NLGN1: variants seen among roughly 807,000 people sequenced by gnomAD.
The protein encoded by NLGN1 is neuroligin-1.
In NLGN1, 12 loss-of-function variants were observed where a neutral mutation model predicts 65.5. The ratio of observed to expected loss-of-function variants is 0.18; its 90% CI spans 0.12 to 0.30. The LOEUF (loss-of-function observed/expected upper bound fraction) is 0.30, where lower values mean the gene tolerates loss of function less well. Ranked by LOEUF, NLGN1 falls within the 10% of genes least tolerant of loss-of-function variation. The pLI is 1.00. For missense variants in NLGN1, 750 were observed against 1,007.1 expected (o/e 0.74, Z 3.46); for synonymous variants, 350 against 359.5 (o/e 0.97, Z 0.30).
chr3:173,766,088 CTT>C (rs34830188), intron 3 of NLGN1, among the ~76,000 whole-genome samples: 8 of 135,842 alleles, frequency 5.9e-5, no homozygotes, highest in Non-Finnish European at 9.7e-5. Context: ...TATGTTTTGT[CTT>C]TTTTTTTTTT....
At chr3:173,468,481 ATG>A (rs909871475) in intron 2 of NLGN1, among the ~76,000 whole-genome samples, 3 of 152,098 alleles carry the variant, frequency 2.0e-5, no homozygotes, top group Non-Finnish European at 4.4e-5. Flanking sequence ...GCCCATTACT[ATG>A]TTCTGGGGAA....
intron 4 of NLGN1, among the ~76,000 whole-genome samples, chr3:173,927,687 G>A (rs959941148): frequency 6.6e-6 from 1 of 152,004 alleles, no homozygotes; most frequent in Admixed American, 6.6e-5. Context: ...GAGACAAGGG[G>A]GACATTGTTC....
rs114056106 is a variant in NLGN1, at chr3:173,633,644, G to A, written c.493+28553G>A. The stretch of plus-strand genomic sequence containing the variant: ...GTTGACAGCTTCAGTGACAGGCAGG[G>A]GAAGTGCCATCTGAGAAGGTAGGCC... On this transcript the variant is annotated intron_variant, in intron 3 of 6. Transcript: ENST00000457714. Among the ~76,000 whole-genome samples, 996 of 152,218 alleles carry A rather than the reference G, an allele frequency of 6.5e-3. 14 individuals are homozygous for A. The highest frequency in any genetic ancestry group is 0.023 in the African/African-American group (950 of 41,546).
intron 3 of NLGN1, among the ~76,000 whole-genome samples, chr3:173,630,109 A>G (rs1755446940): frequency 6.6e-6 from 1 of 152,162 alleles, no homozygotes; most frequent in Non-Finnish European, 1.5e-5. Context: ...ATAATGAACA[A>G]AATCAGAGCC....
chr3:173,924,331 G>A (rs750066208), intron 4 of NLGN1, among the ~76,000 whole-genome samples: 5 of 152,120 alleles, frequency 3.3e-5, no homozygotes, highest in East Asian at 3.9e-4. Flanking sequence ...CGTGAAAAAT[G>A]TATTTCATTA....
intron 3 of NLGN1, among the ~76,000 whole-genome samples, chr3:173,664,545 A>G (rs1761431732): frequency 6.6e-6 from 1 of 152,118 alleles, no homozygotes; most frequent in Non-Finnish European, 1.5e-5. Flanking sequence ...TGAGCACTGG[A>G]CAGTGTTAAC....
chr3:173,870,537 G>T (rs901017705), intron 4 of NLGN1, among the ~76,000 whole-genome samples: 1 of 152,128 alleles, frequency 6.6e-6, no homozygotes, highest in Non-Finnish European at 1.5e-5. Flanking sequence ...TTTGGTTTTG[G>T]TTTTGACTGT....
chr3:173,876,084 G>A (rs1284991987), intron 4 of NLGN1, among the ~76,000 whole-genome samples: 1 of 152,096 alleles, frequency 6.6e-6, no homozygotes, highest in Admixed American at 6.5e-5. Context: ...TAGTGATAAA[G>A]AGTTGAAAAA....
At chr3:173,850,600 T>C (rs1726727119) in intron 4 of NLGN1, among the ~76,000 whole-genome samples, 1 of 152,224 alleles carries the variant, frequency 6.6e-6, no homozygotes, top group African/African-American at 2.4e-5. Flanking sequence ...GAATTACCTC[T>C]ATCCTTTTCG....
chr3:174,272,874 T>C (rs764634748), intron 4 of NLGN1, among the ~76,000 whole-genome samples: 3 of 151,712 alleles, frequency 2.0e-5, no homozygotes, highest in Non-Finnish European at 4.4e-5. Flanking sequence ...TGATTTACTC[T>C]ACTTTCTATG....
chr3:173,570,246 G>A (rs1744427572), intron 2 of NLGN1, among the ~76,000 whole-genome samples: 1 of 152,162 alleles, frequency 6.6e-6, no homozygotes, highest in Non-Finnish European at 1.5e-5. Context: ...GCATCCAAAA[G>A]GAAAGCCTTT....
chr3:173,689,134 C>G (rs1462334573), intron 3 of NLGN1, among the ~76,000 whole-genome samples: 2 of 152,194 alleles, frequency 1.3e-5, no homozygotes, highest in African/African-American at 4.8e-5. Context: ...CCTCCAGCCT[C>G]TAAAGTATTC....
At chr3:174,187,558 C>A (rs957656966) in intron 4 of NLGN1, among the ~76,000 whole-genome samples, 1 of 151,980 alleles carries the variant, frequency 6.6e-6, no homozygotes, top group Non-Finnish European at 1.5e-5. Flanking sequence ...CTGTCTGAAA[C>A]TGAAAGATTG....
chr3:173,842,408 A>G (rs1369926832), intron 4 of NLGN1, among the ~76,000 whole-genome samples: 1 of 152,076 alleles, frequency 6.6e-6, no homozygotes, highest in African/African-American at 2.4e-5. Context: ...TTCACCATTA[A>G]CTCAGAAGTC....
At chr3:174,275,746 A>ACACTT (rs1198688107) in intron 5 of NLGN1, among the ~76,000 whole-genome samples, 3 of 151,918 alleles carry the variant, frequency 2.0e-5, no homozygotes, top group Non-Finnish European at 4.4e-5. Flanking sequence ...CCTTTCAAGC[A>ACACTT]CACTTCAGAA....
intron 3 of NLGN1, among the ~76,000 whole-genome samples, chr3:173,608,359 A>G (rs1751720372): frequency 6.6e-6 from 1 of 151,902 alleles, no homozygotes; most frequent in Non-Finnish European, 1.5e-5. Flanking sequence ...AAGAAGAATG[A>G]ATTCTTAAAA....
At chr3:173,448,707 T>A (rs1264197620) in intron 2 of NLGN1, among the ~76,000 whole-genome samples, 1 of 152,210 alleles carries the variant, frequency 6.6e-6, no homozygotes, top group Non-Finnish European at 1.5e-5. Context: ...TTTTTTTGGT[T>A]GGTAAGCTAT....
At chr3:174,076,811 A>G (rs932354592) in intron 4 of NLGN1, among the ~76,000 whole-genome samples, 2 of 151,792 alleles carry the variant, frequency 1.3e-5, no homozygotes, top group African/African-American at 4.8e-5. Context: ...AAAACCATCA[A>G]CACTTGTCAA....
intron 2 of NLGN1, among the ~76,000 whole-genome samples, chr3:173,500,175 A>T (rs1730813844): frequency 6.6e-6 from 1 of 152,120 alleles, no homozygotes; most frequent in Non-Finnish European, 1.5e-5. Context: ...TCATTATGAT[A>T]CTGGCTGTGG....
Sources: gnomAD v4.1 joint callset for allele counts (sites outside exome capture counted in the v4.1 genomes callset) on GRCh38, gnomAD v4.1.1 for gene constraint, MANE v1.5 for transcripts, NCBI Gene and HGNC (gene_info 2026-07-23, HGNC 2026-07-21) for gene names.